CNTLN: variants seen among roughly 807,000 people sequenced by gnomAD.
CNTLN encodes centlein.
CNTLN carries 212 observed loss-of-function variants against 180.0 expected under a neutral mutation model. The ratio of observed to expected loss-of-function variants is 1.18; its 90% CI spans 1.05 to 1.32. The LOEUF is 1.32. Among genes scored for constraint, CNTLN ranks in the 40% most tolerant of loss-of-function variants. The pLI is 0.00. For missense variants in CNTLN, 2,095 were observed against 1,610.9 expected, an observed-to-expected ratio of 1.30 and a Z score of -5.14; for synonymous variants, 722 against 563.1, an observed-to-expected ratio of 1.28 and a Z score of -3.99.
chr9:17,444,316 C>A (rs567847163), intron 18 of CNTLN: 2 of 150,422 alleles, frequency 1.3e-5, no homozygotes, highest in African/African-American at 2.5e-5. Context: ...TGGGGAGCCA[C>A]AGGAATACAA....
intron 13 of CNTLN, among the ~76,000 whole-genome samples, chr9:17,377,361 A>G (rs1824857563): frequency 6.6e-6 from 1 of 152,164 alleles, no homozygotes; most frequent in Non-Finnish European, 1.5e-5. Context: ...CCTGGCCAAC[A>G]TGACAAAACT....
chr9:17,388,930 T>C (rs57299809), intron 14 of CNTLN, among the ~76,000 whole-genome samples: 4,585 of 152,084 alleles, frequency 0.03, 238 homozygotes, highest in East Asian at 0.26. Flanking sequence ...TGGATCTAAT[T>C]ATTAACACTT....
intron 2 of CNTLN, among the ~76,000 whole-genome samples, chr9:17,189,640 C>T (rs769454323): frequency 2.6e-5 from 4 of 151,402 alleles, no homozygotes; most frequent in Non-Finnish European, 4.4e-5. Context: ...CCCACCATCA[C>T]ACCTGACTAA....
At chr9:17,322,906 G>A (rs1277165865) in intron 8 of CNTLN, among the ~76,000 whole-genome samples, 3 of 152,052 alleles carry the variant, frequency 2.0e-5, no homozygotes, top group South Asian at 2.1e-4. Context: ...TACAACACAA[G>A]CTTTTTTATA....
intron 5 of CNTLN, 146 bp downstream of exon 5, chr9:17,236,734 C>A: frequency 1.8e-6 from 1 of 546,070 alleles, no homozygotes; most frequent in Non-Finnish European, 3.0e-6. Context: ...ACTTAAGACC[C>A]ATAGCTTTTT....
At chr9:17,173,375 A>G (rs1204752732) in intron 2 of CNTLN, among the ~76,000 whole-genome samples, 1 of 152,142 alleles carries the variant, frequency 6.6e-6, no homozygotes, top group Non-Finnish European at 1.5e-5. Context: ...GCGTATGCAT[A>G]TTTAATTTTA....
intron 6 of CNTLN, among the ~76,000 whole-genome samples, chr9:17,284,755 C>G (rs1828877106): frequency 6.6e-6 from 1 of 151,990 alleles, no homozygotes; most frequent in Non-Finnish European, 1.5e-5. Context: ...TCTGTATCTC[C>G]TTCAATTCTG....
At chr9:17,185,312 G>T (rs1054680363) in intron 2 of CNTLN, among the ~76,000 whole-genome samples, 2 of 152,102 alleles carry the variant, frequency 1.3e-5, no homozygotes, top group Non-Finnish European at 2.9e-5. Context: ...TCAACTTCTG[G>T]TACGTGTTCA....
intron 6 of CNTLN, among the ~76,000 whole-genome samples, chr9:17,278,360 T>C (rs116099395): frequency 2.0e-4 from 31 of 152,288 alleles, no homozygotes; most frequent in African/African-American, 6.3e-4. Context: ...TGCTTATTTT[T>C]TCTTTGGTAT....
chr9:17,228,437 C>T (rs1416564818), intron 3 of CNTLN, among the ~76,000 whole-genome samples: 1 of 152,030 alleles, frequency 6.6e-6, no homozygotes, highest in African/African-American at 2.4e-5. Context: ...TTATAACTTT[C>T]TACAAAGTAT....
rs1257465460 is a variant in CNTLN at position 17,409,555 on chromosome 9, C to A, written c.2796+82C>A. ...TTATAACTTAAGTAAATAAATGTTA[C>A]TACTGATTTAATTTGAATTCTTACA... is the stretch of plus-strand genomic sequence containing the variant. On this transcript the variant is annotated intron_variant, in intron 16 of 25. Coordinates refer to ENST00000380647, the MANE Select transcript of CNTLN (RefSeq NM_017738.4). 5 of 1,023,588 alleles carry A rather than the reference C, an allele frequency of 4.9e-6. No homozygotes were observed. The East Asian group carries it at 1.3e-4, about 26-fold the overall frequency. The allele number at this position is 1,023,588 out of a possible 1,614,324, so 63.4% of individuals were successfully genotyped here. A position where few individuals can be genotyped will look rare whatever the true frequency, so the allele number is the denominator to read the frequency against.
chr9:17,158,392 C>T (rs1819448483), intron 2 of CNTLN, among the ~76,000 whole-genome samples: 1 of 152,014 alleles, frequency 6.6e-6, no homozygotes, highest in East Asian at 1.9e-4. Flanking sequence ...GGATAATAGC[C>T]TTGTAAAATG....
At chr9:17,152,193 C>G (rs1818935522) in intron 2 of CNTLN, among the ~76,000 whole-genome samples, 1 of 152,048 alleles carries the variant, frequency 6.6e-6, no homozygotes, top group South Asian at 2.1e-4. Flanking sequence ...TATTTCTTGT[C>G]TTCTGCTAGC....
At chr9:17,428,604 A>G (rs953717996) in intron 18 of CNTLN, among the ~76,000 whole-genome samples, 4 of 152,074 alleles carry the variant, frequency 2.6e-5, no homozygotes, top group African/African-American at 9.7e-5. Context: ...TATTTTTCTT[A>G]TTTGATCTTT....
At chr9:17,182,469 G>C (rs774425370) in intron 2 of CNTLN, among the ~76,000 whole-genome samples, 11 of 152,178 alleles carry the variant, frequency 7.2e-5, no homozygotes, top group Middle Eastern at 3.4e-3. Context: ...TTTATATGTA[G>C]TATTCAGGGT....
At chr9:17,488,916 C>T (rs1348182763) in intron 25 of CNTLN, among the ~76,000 whole-genome samples, 1 of 152,106 alleles carries the variant, frequency 6.6e-6, no homozygotes, top group African/African-American at 2.4e-5. Context: ...TAATGAACTG[C>T]ATCATGTGCC....
Position 17,281,867 on chromosome 9 carries a change from T to C in CNTLN, c.983+8001T>C, listed in dbSNP as rs969162779. ...CTAGGTCTTTGAGGAATCGCCACAC[T>C]GTCTTCCACAATGGTTGCACTAATA... On this transcript the variant is annotated intron_variant, in intron 6 of 25. Transcript: ENST00000380647. Among the ~76,000 whole-genome samples the C allele has an allele frequency of 1.3e-4, 20 of 152,228 alleles. 1 individual carries two copies. The highest frequency in any genetic ancestry group is 2.5e-4 in the Non-Finnish European group (17 of 68,036).
chr9:17,313,531 C>T (rs775684600), intron 8 of CNTLN, among the ~76,000 whole-genome samples: 7 of 151,970 alleles, frequency 4.6e-5, no homozygotes, highest in South Asian at 2.1e-4. Context: ...CAGTTTTGTC[C>T]GGCTTTCCTT....
intron 2 of CNTLN, among the ~76,000 whole-genome samples, chr9:17,163,584 AT>A (rs1031972782): frequency 3.9e-5 from 6 of 152,164 alleles, no homozygotes; most frequent in African/African-American, 1.4e-4. Flanking sequence ...TATTGTGCAT[AT>A]TTTCCACAGT....
Sources: allele counts gnomAD v4.1 joint callset (sites outside exome capture counted in the v4.1 genomes callset), GRCh38; gene constraint gnomAD v4.1.1; transcripts MANE v1.5; gene names NCBI Gene and HGNC (gene_info 2026-07-23, HGNC 2026-07-21).